Variants in HDAC9 observed in about 807,000 individuals in gnomAD.
HDAC9 encodes the protein MEF-2 interacting transcription repressor (MITR) protein.
In HDAC9, 41 loss-of-function variants were observed where a neutral mutation model predicts 139.4. The ratio of observed to expected loss-of-function variants is 0.29; its 90% CI spans 0.23 to 0.38. HDAC9 has a LOEUF of 0.38. Among genes scored for constraint, HDAC9 ranks in the 10% least tolerant of loss-of-function variants. The pLI is 1.00. For synonymous variants in HDAC9, 517 were observed against 476.2 expected (o/e 1.09, Z -1.12); for missense variants, 1,147 against 1,297.0 (o/e 0.88, Z 1.78).
At chr7:18,854,239 TATGGAGCACAAGAAA>T (rs1797509513) in intron 21 of HDAC9, among the ~76,000 whole-genome samples, 1 of 152,166 alleles carries the variant, frequency 6.6e-6, no homozygotes, top group Non-Finnish European at 1.5e-5. Flanking sequence ...TAGTTGCTAA[TATGGAGCACAAGAAA>T]ATGAAATGTA....
chr7:18,532,078 G>C (rs1375204048), intron 2 of HDAC9, among the ~76,000 whole-genome samples: 1 of 152,066 alleles, frequency 6.6e-6, no homozygotes, highest in Non-Finnish European at 1.5e-5. Context: ...GTGAAACCCT[G>C]TCTCTACTAA....
At chr7:18,824,015 G>A (rs1795189959) in intron 17 of HDAC9, among the ~76,000 whole-genome samples, 2 of 150,158 alleles carry the variant, frequency 1.3e-5, no homozygotes, top group Admixed American at 6.7e-5. Context: ...GGAATGGGAA[G>A]GGGAAGAAGA....
chr7:18,941,057 T>C (rs895762745), intron 23 of HDAC9, among the ~76,000 whole-genome samples: 2 of 152,140 alleles, frequency 1.3e-5, no homozygotes, highest in African/African-American at 4.8e-5. Flanking sequence ...TGGTAAATCC[T>C]CTAGTACTGC....
At chr7:18,931,965 CAA>C in intron 22 of HDAC9, among the ~76,000 whole-genome samples, 1 of 152,120 alleles carries the variant, frequency 6.6e-6, no homozygotes, top group East Asian at 1.9e-4. Flanking sequence ...ATGTACAACA[CAA>C]AGTGTGAACC....
chr7:18,209,803 C>T (rs1791801723), intron 2 of HDAC9, among the ~76,000 whole-genome samples: 1 of 151,966 alleles, frequency 6.6e-6, no homozygotes, highest in African/African-American at 2.4e-5. Context: ...CAGTTTCACG[C>T]CATTCTCCTC....
intron 2 of HDAC9, among the ~76,000 whole-genome samples, chr7:18,542,326 C>T (rs1462569126): frequency 1.3e-5 from 2 of 152,154 alleles, no homozygotes; most frequent in Non-Finnish European, 2.9e-5. Flanking sequence ...CTTCTCTATA[C>T]CTCAATTTCC....
chr7:18,154,022 A>G (rs1029311052), intron 1 of HDAC9, among the ~76,000 whole-genome samples: 2 of 152,222 alleles, frequency 1.3e-5, no homozygotes, highest in African/African-American at 2.4e-5. Context: ...CTTAAGGTCT[A>G]TTGAAATTCC....
At chr7:18,516,033 T>A (rs901695818) in intron 2 of HDAC9, among the ~76,000 whole-genome samples, 4 of 152,244 alleles carry the variant, frequency 2.6e-5, no homozygotes, top group Non-Finnish European at 5.9e-5. Flanking sequence ...TTTTTATGAA[T>A]ATTAACTACG....
Position 18,227,727 on chromosome 7 carries a change from A to G in HDAC9, c.25+65378A>G, listed in dbSNP as rs532195234. The stretch of plus-strand genomic sequence containing the variant: ...TGCTGCCTGCTGTCATTTTTTCACT[A>G]TTAGAAATATTATCATATTACTATT... On this transcript the variant is annotated intron_variant, in intron 2 of 12. Transcript: ENST00000417496. 3.9e-5 allele frequency among the ~76,000 whole-genome samples: 6 copies of G among 152,078 alleles called. No individual in the cohort carries two copies. In the South Asian group the frequency reaches 1.2e-3, roughly 32 times the overall value.
rs373916270 is a variant in HDAC9 at position 18,690,283 on chromosome 7, T to C, written c.1731+23807T>C. On this transcript the variant is annotated intron_variant, in intron 12 of 25. Coordinates refer to ENST00000686413, the MANE Select transcript of HDAC9 (RefSeq NM_178425.4). The stretch of plus-strand genomic sequence containing the variant: ...ACGCCAAGATGCAACGACTGCAATT[T>C]GCATTTATGAAACTAAAATATTTGT... Among the ~76,000 whole-genome samples, 5 of 152,076 alleles carry C rather than the reference T, an allele frequency of 3.3e-5. No individual in the cohort carries two copies. In the East Asian group the frequency reaches 7.7e-4, roughly 23 times the overall value.
Position 18,997,974 on chromosome 7 carries a change from ATAG to A in HDAC9, c.*1918_*1920del, listed in dbSNP as rs1786558934. 6.6e-6 allele frequency: 1 copy of A among 152,186 alleles called. No homozygotes were observed. Among genetic ancestry groups the A allele is most frequent in the South Asian group, 2.1e-4 (1 of 4,836 alleles). The allele number at this position is 152,186 out of a possible 1,614,324, so 9.4% of individuals were successfully genotyped here. A position where few individuals can be genotyped will look rare whatever the true frequency, so the allele number is the denominator to read the frequency against. ...GTAAGGGCAAATTCAGTCTAGATTCATAGTAGTAATCAATTTTTTATAAATTTT... is the reference window on the plus strand; with the variant it reads ...GTAAGGGCAAATTCAGTCTAGATTCATAGTAATCAATTTTTTATAAATTTT... On this transcript the variant is annotated 3_prime_UTR_variant, in exon 26 of 26. Coordinates refer to ENST00000686413, the MANE Select transcript of HDAC9 (RefSeq NM_178425.4).
chr7:18,299,782 G>GGGCTCTGC (rs1432726149), intron 1 of HDAC9, among the ~76,000 whole-genome samples: 1 of 152,074 alleles, frequency 6.6e-6, no homozygotes, highest in Non-Finnish European at 1.5e-5. Flanking sequence ...AGTCATTCAG[G>GGGCTCTGC]GGCTCTGCAA....
At chr7:18,924,436 A>C (rs1428858637) in intron 22 of HDAC9, among the ~76,000 whole-genome samples, 1 of 152,116 alleles carries the variant, frequency 6.6e-6, no homozygotes, top group Non-Finnish European at 1.5e-5. Flanking sequence ...ACCTCGACTT[A>C]TGGCAGGAAA....
chr7:18,667,609 TCTC>T (rs915152503), intron 12 of HDAC9: 3 of 985,154 alleles, frequency 3.0e-6, no homozygotes, highest in Non-Finnish European at 3.6e-6. Flanking sequence ...TTCCTGCTGT[TCTC>T]CTACAGAAAA....
intron 1 of HDAC9, among the ~76,000 whole-genome samples, chr7:18,461,169 TTCAG>T (rs1437378151): frequency 6.6e-6 from 1 of 152,158 alleles, no homozygotes; most frequent in Non-Finnish European, 1.5e-5. Context: ...ACGCAGACTT[TTCAG>T]TCAGAAAAAA....
chr7:18,989,773 A>C (rs1290131097), intron 25 of HDAC9, among the ~76,000 whole-genome samples: 8 of 80,894 alleles, frequency 9.9e-5, no homozygotes, highest in East Asian at 3.3e-4. Context: ...TTTTTTCTCT[A>C]AACTTCCCTT....
At chr7:18,822,330 TTTTG>T (rs199797864) in intron 17 of HDAC9, among the ~76,000 whole-genome samples, 2,017 of 145,154 alleles carry the variant, frequency 0.014, 11 homozygotes, top group Middle Eastern at 0.029. Flanking sequence ...AGGGTTTGGT[TTTTG>T]TTTGTTTGTT....
chr7:18,179,186 C>T (rs1235376291), intron 2 of HDAC9, among the ~76,000 whole-genome samples: 2 of 152,348 alleles, frequency 1.3e-5, no homozygotes, highest in South Asian at 4.1e-4. Flanking sequence ...TGAGGAACCA[C>T]CTTGGGTAGG....
At chr7:18,950,741 T>G (rs1047884286) in intron 23 of HDAC9, among the ~76,000 whole-genome samples, 4 of 151,900 alleles carry the variant, frequency 2.6e-5, no homozygotes, top group African/African-American at 7.2e-5. Flanking sequence ...ACGCAATATT[T>G]GCGGTGGTCC....
Sources: gnomAD v4.1 joint callset for allele counts (sites outside exome capture counted in the v4.1 genomes callset) on GRCh38, gnomAD v4.1.1 for gene constraint, MANE v1.5 for transcripts, NCBI Gene and HGNC (gene_info 2026-07-23, HGNC 2026-07-21) for gene names.